Variants in ZFR2 observed in about 807,000 individuals in gnomAD.
ZFR2 encodes zinc finger RNA binding protein 2, also known as zinc finger RNA-binding protein 2.
ZFR2 carries 104 observed loss-of-function variants against 105.7 expected under a neutral mutation model. That is an observed-to-expected ratio of 0.98 (90% CI 0.84 to 1.16). The LOEUF is 1.16. ZFR2 is among the 50% of genes most tolerant of loss of function. ZFR2 has a pLI of 0.00. For missense variants in ZFR2, 1,425 were observed against 1,355.5 expected, an observed-to-expected ratio of 1.05 and a Z score of -0.80; for synonymous variants, 634 against 597.7, an observed-to-expected ratio of 1.06 and a Z score of -0.89.
intron 17 of ZFR2, among the ~76,000 whole-genome samples, chr19:3,808,552 AGTGGCTCTGTGCCGGG>A (rs957279075): frequency 1.1e-4 from 17 of 152,330 alleles, no homozygotes; most frequent in African/African-American, 2.4e-4. Context: ...TTTGTGCCAG[AGTGGCTCTGTGCCGGG>A]GTGGCTCTGT....
chr19:3,833,049 C>T (rs984123881), intron 3 of ZFR2, among the ~76,000 whole-genome samples: 16 of 150,394 alleles, frequency 1.1e-4, no homozygotes, highest in African/African-American at 3.4e-4. Flanking sequence ...GAGTTCAAGA[C>T]CAGCCTGGCT....
chr19:3,822,713 C>T (rs2037908800), intron 8 of ZFR2, among the ~76,000 whole-genome samples: 1 of 152,128 alleles, frequency 6.6e-6, no homozygotes, highest in African/African-American at 2.4e-5. Context: ...AAGACCCTTT[C>T]TCTTAAAAGA....
intron 1 of ZFR2, chr19:3,852,029 C>T (rs575005393): frequency 3.5e-5 from 8 of 230,652 alleles, no homozygotes; most frequent in East Asian, 1.2e-4. Flanking sequence ...ATTCTGCAGG[C>T]GGGGATCAGC....
chr19:3,833,680 T>C lies in ZFR2; in HGVS notation c.363A>G (p.Ala121=). 3 of 1,564,706 alleles carry C rather than the reference T, an allele frequency of 1.9e-6. No homozygotes were observed. The highest frequency in any genetic ancestry group is 1.7e-6 in the Non-Finnish European group (2 of 1,154,806). ...ATGGCTCACCTGGCTGGCCGGAGTC[T>C]GCGGCTGTCATGCGCCCAGACTGGA... ...AALQSGRMTA[A]DSGQPGTQEA... is the part of the protein sequence containing the mutation. Residue 121 remains alanine (A), a synonymous_variant, in exon 3 of 19, where the codon GCA becomes GCG. Coordinates refer to ENST00000262961, the MANE Select transcript of ZFR2 (RefSeq NM_015174.2).
chr19:3,852,552 G>A (rs1181629745), intron 1 of ZFR2: 1 of 718,532 alleles, frequency 1.4e-6, no homozygotes, highest in Non-Finnish European at 2.6e-6. Flanking sequence ...GCAGCCAACT[G>A]TCCAAGGCAG....
rs765538306 is a variant in ZFR2 at position 3,833,644 on chromosome 19, C to T, written c.379+20G>A. ...GGGAGCGTCTCCTCGTTCCCAGCCCCGACCCTGCAGATGGCTCACCTGGCT... is the reference window on the plus strand; with the variant it reads ...GGGAGCGTCTCCTCGTTCCCAGCCCTGACCCTGCAGATGGCTCACCTGGCT... On this transcript the variant is annotated intron_variant, in intron 3 of 18. Coordinates refer to ENST00000262961, the MANE Select transcript of ZFR2 (RefSeq NM_015174.2). 156 of 1,538,668 alleles carry T rather than the reference C, an allele frequency of 1.0e-4. No individual in the cohort carries two copies. Among genetic ancestry groups the T allele is most frequent in the Admixed American group, 1.4e-4 (7 of 51,130 alleles).
Position 3,810,811 on chromosome 19 carries a change from A to G in ZFR2, c.2372T>C (p.Val791Ala), listed in dbSNP as rs1342116608. Residue 791 changes from valine to alanine, a missense_variant, in exon 16 of 19, where the codon GTC becomes GCC. Coordinates refer to ENST00000262961, the MANE Select transcript of ZFR2 (RefSeq NM_015174.2). ...RASGLQPCVI[V>A]IRVLRDLCRR... ...GCAGAGGTCCCTCAGGACCCTGATG[A>G]CGATCACGCATGGCTGCAGGCCGCT... 10 of 1,550,306 alleles carry G rather than the reference A, an allele frequency of 6.5e-6. No individual in the cohort carries two copies. Among genetic ancestry groups the G allele is most frequent in the Non-Finnish European group, 8.7e-6 (10 of 1,146,840 alleles).
chr19:3,807,605 G>T (rs1211550833), intron 17 of ZFR2, among the ~76,000 whole-genome samples: 1 of 152,036 alleles, frequency 6.6e-6, no homozygotes, highest in Non-Finnish European at 1.5e-5. Flanking sequence ...GTGTGTGCAC[G>T]TGTGTGCTCA....
At chr19:3,822,634 T>C (rs1172032971) in intron 8 of ZFR2, among the ~76,000 whole-genome samples, 1 of 152,042 alleles carries the variant, frequency 6.6e-6, no homozygotes, top group Non-Finnish European at 1.5e-5. Flanking sequence ...GAGGATTGAT[T>C]GAGCCCAGAA....
intron 5 of ZFR2, among the ~76,000 whole-genome samples, chr19:3,830,219 G>A (rs559409863): frequency 9.2e-5 from 14 of 152,004 alleles, no homozygotes; most frequent in Non-Finnish European, 1.5e-4. Context: ...TAGGAGGATC[G>A]CTTGGGCCCA....
In ZFR2 at chr19:3,813,825, T is replaced by C. The variant is rs1317856442; in HGVS notation, c.2237A>G (p.Asp746Gly). Residue 746 changes from aspartate (D) to glycine (G), a missense_variant, in exon 14 of 19, where the codon GAC becomes GGC. Transcript: ENST00000262961. This position sits in a 1 kb window ranked among gnomAD's most constrained non-coding sequence, Gnocchi z 4.4. Reference sequence around the variant, plus strand: ...AAGGAAGGGCTGGGCCGCACCTGGGTCTGTGGAGGGGTCCTCCCGCATCAG... The same window carrying C: ...AAGGAAGGGCTGGGCCGCACCTGGGCCTGTGGAGGGGTCCTCCCGCATCAG... ...SPLMREDPST[D>G]PGVEEPQADA... 1 of 1,613,558 alleles carries C rather than the reference T, an allele frequency of 6.2e-7. No individual in the cohort carries two copies. The highest frequency in any genetic ancestry group is 1.1e-5 in the South Asian group (1 of 91,070).
intron 1 of ZFR2, among the ~76,000 whole-genome samples, chr19:3,863,437 T>C (rs1393501604): frequency 6.6e-6 from 1 of 152,126 alleles, no homozygotes; most frequent in Non-Finnish European, 1.5e-5. Flanking sequence ...TGTTTTTTTA[T>C]TGTTTTTTGA....
chr19:3,843,402 T>C (rs2038153536), intron 1 of ZFR2, among the ~76,000 whole-genome samples: 1 of 151,344 alleles, frequency 6.6e-6, no homozygotes, highest in Non-Finnish European at 1.5e-5. Flanking sequence ...ACCCAGGAGG[T>C]GGAGGTTGCA....
chr19:3,815,578 C>A (rs1426298840), intron 13 of ZFR2, among the ~76,000 whole-genome samples: 2 of 152,090 alleles, frequency 1.3e-5, no homozygotes, highest in Non-Finnish European at 1.5e-5. Context: ...CTTTCATCAT[C>A]ATTTACTCTT....
intron 12 of ZFR2, among the ~76,000 whole-genome samples, chr19:3,818,391 C>T (rs191384685): frequency 4.6e-5 from 7 of 152,060 alleles, no homozygotes; most frequent in East Asian, 1.9e-4. Context: ...AGCTTGAGCC[C>T]GGGGGTCTGA....
At chr19:3,836,702 A>T (rs1307449926) in intron 1 of ZFR2, among the ~76,000 whole-genome samples, 1 of 152,210 alleles carries the variant, frequency 6.6e-6, no homozygotes, top group Admixed American at 6.5e-5. Context: ...TTCAGAGGAC[A>T]TGCGGCACCA....
chr19:3,807,222 G>T lies in ZFR2; in HGVS notation c.2593C>A (p.Leu865Ile), dbSNP rs866550488. The stretch of plus-strand genomic sequence containing the variant: ...CGCTCTTGGAGGGTCATGGGCTCGA[G>T]GGCATCTGTCTGGTCTCTCTCGCAG... ...DPCERDQTDA[L>I]EPMTLQERED... The change falls in exon 18 of 19, where the codon CTC becomes ATC. Residue 865 changes from leucine to isoleucine, a missense_variant. Physicochemically the swap from Leu to Ile is conservative, Grantham distance 5 (BLOSUM62 2). Transcript: ENST00000262961. 6.4e-7 allele frequency: 1 copy of T among 1,561,484 alleles called. No individual in the cohort carries two copies. Among genetic ancestry groups the T allele is most frequent in the Non-Finnish European group, 8.7e-7 (1 of 1,152,140 alleles).
intron 3 of ZFR2, among the ~76,000 whole-genome samples, chr19:3,833,348 G>A (rs970634233): frequency 7.2e-5 from 11 of 152,164 alleles, no homozygotes; most frequent in Admixed American, 2.0e-4. Flanking sequence ...AGGCCAAGGC[G>A]GGCGGATCAC....
Position 3,821,394 on chromosome 19 carries a change from C to T in ZFR2, c.1577G>A (p.Arg526Gln), listed in dbSNP as rs1044587332. Residue 526 changes from arginine (R) to glutamine (Q), a missense_variant, in exon 10 of 19, where the codon CGG becomes CAG. Coordinates refer to ENST00000262961, the MANE Select transcript of ZFR2 (RefSeq NM_015174.2). ...KVLEERMRKQ[R>Q]HLAEERLEQL... is the part of the protein sequence containing the mutation. ...CTCCAGCCGCTCCTCCGCCAGGTGC[C>T]GCTGCTTCCTCATGCGCTCCTCCAG... is the stretch of plus-strand genomic sequence containing the variant. 3 of 1,611,080 alleles carry T rather than the reference C, an allele frequency of 1.9e-6. No homozygotes were observed. Among genetic ancestry groups the T allele is most frequent in the South Asian group, 2.2e-5 (2 of 90,900 alleles).
Sources: gnomAD v4.1 joint callset for allele counts (sites outside exome capture counted in the v4.1 genomes callset) on GRCh38, gnomAD v4.1.1 for gene constraint, Gnocchi (gnomAD v3.1) non-coding constraint, MANE v1.5 for transcripts, NCBI Gene and HGNC (gene_info 2026-07-23, HGNC 2026-07-21) for gene names.